Variants in FUBP3 observed in about 807,000 individuals in gnomAD.
The protein encoded by FUBP3 is far upstream element-binding protein 3.
In FUBP3, 28 loss-of-function variants were observed where a neutral mutation model predicts 85.6. That is an observed-to-expected ratio of 0.33 (90% CI 0.24 to 0.45). The LOEUF (loss-of-function observed/expected upper bound fraction) is 0.45, where lower values mean the gene tolerates loss of function less well. Among genes scored for constraint, FUBP3 ranks in the 20% least tolerant of loss-of-function variants. The pLI is 1.00. For synonymous variants in FUBP3, 271 were observed against 271.4 expected (o/e 1.00, Z 0.01); for missense variants, 583 against 755.1 (o/e 0.77, Z 2.67).
Position 130,592,450 on chromosome 9 carries a change from A to G in FUBP3, c.85-3033A>G, listed in dbSNP as rs1312899306. On this transcript the variant is annotated intron_variant, in intron 1 of 18. Coordinates refer to ENST00000319725, the MANE Select transcript of FUBP3 (RefSeq NM_003934.2). ...GCCAAGCCCTGGCCTAGGCTACAGT[A>G]ATATCTCCTAAGGCTGAGTCTGGCT... Among the ~76,000 whole-genome samples, 3 of 152,176 alleles carry G rather than the reference A, an allele frequency of 2.0e-5. No individual in the cohort carries two copies. In the East Asian group the frequency reaches 5.8e-4, roughly 29 times the overall value.
chr9:130,594,629 C>T (rs916629706), intron 1 of FUBP3, among the ~76,000 whole-genome samples: 3 of 151,902 alleles, frequency 2.0e-5, no homozygotes, highest in African/African-American at 7.3e-5. Context: ...CGTGGTGGTG[C>T]GTACTTGTAG....
chr9:130,612,899 T>G lies in FUBP3; in HGVS notation c.275-57T>G. ...TTTGTGGAATTAATTCAGTCATTCC[T>G]GCGTGGTGAAATATGGAATAGGGGC... On this transcript the variant is annotated intron_variant, in intron 4 of 18. Coordinates refer to ENST00000319725, the MANE Select transcript of FUBP3 (RefSeq NM_003934.2). This position sits in a 1 kb window ranked among gnomAD's most constrained non-coding sequence, Gnocchi z 4.1. The G allele has an allele frequency of 8.8e-7, 1 of 1,137,646 alleles. No individual in the cohort carries two copies. The allele number at this position is 1,137,646 out of a possible 1,614,324, so 70.5% of individuals were successfully genotyped here.
chr9:130,614,350 GT>G lies in FUBP3; in HGVS notation c.404+8del. On this transcript the variant is annotated splice_donor_region_variant and intron_variant, in intron 6 of 18. Transcript: ENST00000319725. The stretch of plus-strand genomic sequence containing the variant: ...CGGAACCCCAGAAAGTATTGAGTAA[GT>G]TTATTTTATTTACTTTTTCTTTCAC... 6.4e-7 allele frequency: 1 copy of G among 1,564,536 alleles called. No individual in the cohort carries two copies. The highest frequency in any genetic ancestry group is 8.8e-7 in the Non-Finnish European group (1 of 1,135,930).
chr9:130,617,928 G>A (rs779681763), intron 8 of FUBP3, 33 bp downstream of exon 8: 1 of 1,000,254 alleles, frequency 1.0e-6, no homozygotes, highest in Non-Finnish European at 1.6e-6. Flanking sequence ...GTGAGTCCTG[G>A]CTGTTGGGGC....
rs775623441 is a variant in FUBP3, at chr9:130,579,639, TCGGCGGCGTCGGCGGCGGCGGCGA to T, written c.-33_-10del. On this transcript the variant is annotated 5_prime_UTR_variant, in exon 1 of 19. Coordinates refer to ENST00000319725, the MANE Select transcript of FUBP3 (RefSeq NM_003934.2). ...CGGACCGGGGAGCCGAGCGGCGGCG[TCGGCGGCGTCGGCGGCGGCGGCGA>T]CGGCGGCGGGGGCGGTAATGGCGGA... The T allele has an allele frequency of 5.7e-5, 66 of 1,159,626 alleles. No homozygotes were observed. The highest frequency in any genetic ancestry group is 3.5e-4 in the African/African-American group (22 of 62,484). 71.8% of individuals were successfully genotyped at this position (1,159,626 alleles called of 1,614,324 possible). A position where few individuals can be genotyped will look rare whatever the true frequency, so the allele number is the denominator to read the frequency against.
Position 130,579,649 on chromosome 9 carries a change from C to G in FUBP3, c.-32C>G, listed in dbSNP as rs1490701338. ...AGCCGAGCGGCGGCGTCGGCGGCGT[C>G]GGCGGCGGCGGCGACGGCGGCGGGG... On this transcript the variant is annotated 5_prime_UTR_variant, in exon 1 of 19. Transcript: ENST00000319725. The G allele has an allele frequency of 8.4e-7, 1 of 1,186,076 alleles. No homozygotes were observed. Among genetic ancestry groups the G allele is most frequent in the Non-Finnish European group, 1.1e-6 (1 of 943,442 alleles). 73.5% of individuals were successfully genotyped at this position (1,186,076 alleles called of 1,614,324 possible). A position where few individuals can be genotyped will look rare whatever the true frequency, so the allele number is the denominator to read the frequency against.
At position 130,612,441 on chromosome 9, in the gene FUBP3, GTTCT is replaced by G; in HGVS notation, c.225-12_225-9del. On this transcript the variant is annotated splice_polypyrimidine_tract_variant and intron_variant, in intron 3 of 18. Transcript: ENST00000319725. This position sits in a 1 kb window ranked among gnomAD's most constrained non-coding sequence, Gnocchi z 4.1. ...TGTATTCTGTATTTTTTTCCAAAAT[GTTCT>G]TTGTTTTTAGGACGGTAATAACGGA... 1.9e-6 allele frequency: 3 copies of G among 1,566,084 alleles called. No homozygotes were observed. Among genetic ancestry groups the G allele is most frequent in the Non-Finnish European group, 2.6e-6 (3 of 1,140,972 alleles).
Position 130,632,333 on chromosome 9 carries a change from A to G in FUBP3, c.1510+55A>G, listed in dbSNP as rs899635496. ...CCTCCAGAAAGGTTGCGGCCCACAG[A>G]AGTCCTGGGGCCAAAACGCCCTCGT... On this transcript the variant is annotated intron_variant, in intron 16 of 18. Coordinates refer to ENST00000319725, the MANE Select transcript of FUBP3 (RefSeq NM_003934.2). 3.6e-6 allele frequency: 5 copies of G among 1,391,702 alleles called. No homozygotes were observed. The African/African-American group carries it at 7.1e-5, about 20-fold the overall frequency. The allele number at this position is 1,391,702 out of a possible 1,614,324, so 86.2% of individuals were successfully genotyped here.
chr9:130,586,597 G>T (rs1564188687), intron 1 of FUBP3, among the ~76,000 whole-genome samples: 1 of 152,112 alleles, frequency 6.6e-6, no homozygotes, highest in Non-Finnish European at 1.5e-5. Context: ...TAATGAGCCA[G>T]AGGGAGATAA....
intron 8 of FUBP3, among the ~76,000 whole-genome samples, chr9:130,620,144 C>G (rs1215119292): frequency 6.6e-6 from 1 of 152,170 alleles, no homozygotes; most frequent in East Asian, 1.9e-4. Context: ...GGACCCTTCC[C>G]CGTGTGGACA....
chr9:130,603,440 C>A (rs7851693), intron 2 of FUBP3, among the ~76,000 whole-genome samples: 1 of 151,516 alleles, frequency 6.6e-6, no homozygotes, highest in Non-Finnish European at 1.5e-5. Flanking sequence ...TGCCCTACCC[C>A]CCTACCTCAG....
At chr9:130,579,969 T>A (rs1588104377) in intron 1 of FUBP3, among the ~76,000 whole-genome samples, 1 of 152,088 alleles carries the variant, frequency 6.6e-6, no homozygotes, top group South Asian at 2.1e-4. Context: ...GTCGGGCGGG[T>A]CTCCCAGGTG....
chr9:130,604,468 T>C (rs1831318787), intron 2 of FUBP3, among the ~76,000 whole-genome samples: 2 of 152,236 alleles, frequency 1.3e-5, no homozygotes, highest in Admixed American at 1.3e-4. Flanking sequence ...CCAGCTTTGC[T>C]AGTCATTAGC....
chr9:130,630,579 G>C lies in FUBP3; in HGVS notation c.1118-49G>C, dbSNP rs1588165358. On this transcript the variant is annotated intron_variant, in intron 12 of 18. Coordinates refer to ENST00000319725, the MANE Select transcript of FUBP3 (RefSeq NM_003934.2). ...AGCCAAGTGCCCCAGAGCCTCAGGA[G>C]TTGCCGCAGTCTCTGCTTACTCTTC... 4.1e-6 allele frequency: 6 copies of C among 1,472,268 alleles called. No homozygotes were observed. In the East Asian group the frequency reaches 1.6e-4, roughly 39 times the overall value. 91.2% of individuals were successfully genotyped at this position (1,472,268 alleles called of 1,614,324 possible).
chr9:130,584,030 C>G (rs901766201), intron 1 of FUBP3, among the ~76,000 whole-genome samples: 28 of 152,094 alleles, frequency 1.8e-4, no homozygotes, highest in African/African-American at 6.8e-4. Context: ...CACCGTGCCC[C>G]CATGCCTGGC....
At chr9:130,580,409 G>A (rs1473938846) in intron 1 of FUBP3, among the ~76,000 whole-genome samples, 1 of 152,144 alleles carries the variant, frequency 6.6e-6, no homozygotes, top group Non-Finnish European at 1.5e-5. Context: ...AAATTAACTG[G>A]GTTTTAGAAG....
Position 130,595,556 on chromosome 9 carries a change from A to G in FUBP3, c.158A>G (p.Tyr53Cys). 6.3e-7 allele frequency: 1 copy of G among 1,576,884 alleles called. No homozygotes were observed. Among genetic ancestry groups the G allele is most frequent in the Admixed American group, 1.7e-5 (1 of 59,974 alleles). Residue 53 changes from tyrosine to cysteine, a missense_variant, in exon 2 of 19, where the codon TAC becomes TGC. By Grantham distance (194) the Tyr-to-Cys change is radical (BLOSUM62 -2). This residue lies in a region of FUBP3 where 177 missense variants were observed against 221.9 expected (regional missense o/e 0.80). Coordinates refer to ENST00000319725, the MANE Select transcript of FUBP3 (RefSeq NM_003934.2). ...CTAGTGGACCCCTCAGTATATGGAT[A>G]CGGAGTACAAAAACGGCCCTTGGAT... ...TPLVDPSVYGYGVQKRPLDDG... is the reference protein window; with the variant it reads ...TPLVDPSVYGCGVQKRPLDDG...
chr9:130,600,123 C>T (rs1831081751), intron 2 of FUBP3, among the ~76,000 whole-genome samples: 1 of 146,856 alleles, frequency 6.8e-6, no homozygotes, highest in Non-Finnish European at 1.5e-5. Context: ...CTCCCTCCCT[C>T]CCTCTTTCCC....
At chr9:130,631,028 G>A (rs1252211526) in intron 13 of FUBP3, 5 of 696,690 alleles carry the variant, frequency 7.2e-6, no homozygotes. Flanking sequence ...AGCAGCCGAG[G>A]CCCCAGAGCC....
Sources: allele counts gnomAD v4.1 joint callset (sites outside exome capture counted in the v4.1 genomes callset), GRCh38; gene constraint gnomAD v4.1.1; regional missense constraint gnomAD v4.1.1; non-coding constraint Gnocchi (gnomAD v3.1); transcripts MANE v1.5; gene names NCBI Gene and HGNC (gene_info 2026-07-23, HGNC 2026-07-21).